SORCS3: variants seen among roughly 807,000 people sequenced by gnomAD.
The protein encoded by SORCS3 is VPS10 domain-containing receptor SorCS3.
In SORCS3, 57 loss-of-function variants were observed where a neutral mutation model predicts 146.3. The observed-to-expected ratio is 0.39, with a 90% confidence interval of 0.31 to 0.49. The LOEUF (loss-of-function observed/expected upper bound fraction) is 0.49. Ranked by LOEUF, SORCS3 falls within the 20% of genes least tolerant of loss-of-function variation. The probability of loss-of-function intolerance (pLI) is 0.92; values close to 1 mark genes in which losing one functional copy is unlikely to be tolerated. For synonymous variants in SORCS3, 653 were observed against 618.5 expected (o/e 1.06, Z -0.83); for missense variants, 1,341 against 1,575.5 (o/e 0.85, Z 2.52).
chr10:105,121,109 C>A (rs527996514), intron 7 of SORCS3, among the ~76,000 whole-genome samples: 70 of 152,302 alleles, frequency 4.6e-4, no homozygotes, highest in Non-Finnish European at 8.8e-4. Context: ...TATACACTCT[C>A]AATCTCTTTC....
At chr10:104,717,025 C>T (rs185618653) in intron 1 of SORCS3, among the ~76,000 whole-genome samples, 2 of 152,298 alleles carry the variant, frequency 1.3e-5, no homozygotes, top group Non-Finnish European at 2.9e-5. Flanking sequence ...CACAGTGGCT[C>T]ATGCCTGTAA....
chr10:105,204,677 T>G (rs747684165), intron 16 of SORCS3, among the ~76,000 whole-genome samples: 17 of 150,776 alleles, frequency 1.1e-4, no homozygotes, highest in Non-Finnish European at 2.2e-4. Flanking sequence ...GCTCAGTTTG[T>G]GGTCATAATC....
At chr10:104,966,142 T>C (rs1402530717) in intron 3 of SORCS3, among the ~76,000 whole-genome samples, 1 of 151,938 alleles carries the variant, frequency 6.6e-6, no homozygotes, top group Non-Finnish European at 1.5e-5. Context: ...CTCTGCCCAC[T>C]AGATACCGGA....
At chr10:105,037,550 G>A (rs1346939041) in intron 4 of SORCS3, among the ~76,000 whole-genome samples, 2 of 152,108 alleles carry the variant, frequency 1.3e-5, no homozygotes, top group African/African-American at 2.4e-5. Context: ...GCTTGTAGAT[G>A]TGTCACTCTA....
At chr10:104,855,414 T>C (rs1216742774) in intron 2 of SORCS3, among the ~76,000 whole-genome samples, 2 of 152,208 alleles carry the variant, frequency 1.3e-5, no homozygotes, top group Non-Finnish European at 2.9e-5. Flanking sequence ...ATTTGTGGAC[T>C]ACTGACATCT....
At chr10:104,828,549 ATGT>A (rs995209448) in intron 1 of SORCS3, among the ~76,000 whole-genome samples, 34 of 152,178 alleles carry the variant, frequency 2.2e-4, no homozygotes, top group Non-Finnish European at 2.4e-4. Context: ...AAAGCTTGAA[ATGT>A]TGTGAGAATT....
In SORCS3 at chr10:105,147,622, G is replaced by A. The variant is rs1286910201; in HGVS notation, c.1308G>A (p.Met436Ile). The A allele has an allele frequency of 3.1e-6, 5 of 1,608,514 alleles. No individual in the cohort carries two copies. The highest frequency in any genetic ancestry group is 4.2e-6 in the Non-Finnish European group (5 of 1,176,918). Residue 436 changes from methionine to isoleucine, a missense_variant, in exon 9 of 27, where the codon ATG (methionine) becomes ATA (isoleucine). Physicochemically the swap from Met to Ile is conservative, Grantham distance 10. Transcript: ENST00000369701. ...AGCCTTCCATCTTCTTTCAGGACAT[G>A]CACATCATCAGTACAGACGAGAACC... is the stretch of plus-strand genomic sequence containing the variant. ...KLPKYSLPKD[M>I]HIISTDENQV...
chr10:104,945,599 T>C (rs953725394), intron 3 of SORCS3, among the ~76,000 whole-genome samples: 3 of 148,588 alleles, frequency 2.0e-5, no homozygotes, highest in African/African-American at 7.5e-5. Context: ...TGGAAGTGAA[T>C]ACATAGGCAC....
chr10:105,190,583 G>A (rs2056510630), intron 14 of SORCS3, among the ~76,000 whole-genome samples: 1 of 152,064 alleles, frequency 6.6e-6, no homozygotes, highest in African/African-American at 2.4e-5. Flanking sequence ...ATTTTTGGTA[G>A]AGACGGGACG....
intron 14 of SORCS3, among the ~76,000 whole-genome samples, chr10:105,195,056 A>G (rs1331553065): frequency 6.6e-6 from 1 of 152,138 alleles, no homozygotes; most frequent in African/African-American, 2.4e-5. Flanking sequence ...TTTTGAAATA[A>G]GTATTGCCCG....
chr10:104,728,698 C>G (rs1164534422), intron 1 of SORCS3, among the ~76,000 whole-genome samples: 3 of 152,138 alleles, frequency 2.0e-5, no homozygotes, highest in Non-Finnish European at 1.5e-5. Flanking sequence ...TCTCCTAGGG[C>G]CTGCAGACCC....
At chr10:104,828,908 G>T (rs2017969399) in intron 1 of SORCS3, among the ~76,000 whole-genome samples, 1 of 152,128 alleles carries the variant, frequency 6.6e-6, no homozygotes, top group Non-Finnish European at 1.5e-5. Flanking sequence ...TTCTGGAGAG[G>T]CTTGGCAGAC....
At chr10:105,227,347 A>G (rs1276955862) in intron 20 of SORCS3, among the ~76,000 whole-genome samples, 1 of 152,016 alleles carries the variant, frequency 6.6e-6, no homozygotes, top group African/African-American at 2.4e-5. Flanking sequence ...ATGTATTTGT[A>G]CAGTTTCTAA....
At chr10:104,716,961 TCTC>T (rs2016486528) in intron 1 of SORCS3, among the ~76,000 whole-genome samples, 1 of 152,052 alleles carries the variant, frequency 6.6e-6, no homozygotes, top group African/African-American at 2.4e-5. Context: ...CTAATTGTCT[TCTC>T]CACCAAAAAA....
chr10:104,688,371 G>A (rs2016073057), intron 1 of SORCS3, among the ~76,000 whole-genome samples: 1 of 152,166 alleles, frequency 6.6e-6, no homozygotes, highest in Non-Finnish European at 1.5e-5. Flanking sequence ...GGCAGTTGGA[G>A]GGGGGGACCC....
intron 5 of SORCS3, among the ~76,000 whole-genome samples, chr10:105,068,070 G>A (rs1216669885): frequency 1.3e-5 from 2 of 151,606 alleles, no homozygotes; most frequent in Non-Finnish European, 2.9e-5. Flanking sequence ...CATGCCCCTC[G>A]CAACATCTCT....
intron 7 of SORCS3, among the ~76,000 whole-genome samples, chr10:105,122,968 T>C (rs1430593423): frequency 6.6e-6 from 1 of 152,206 alleles, no homozygotes; most frequent in Non-Finnish European, 1.5e-5. Flanking sequence ...CATTGGGTGA[T>C]CTTGGGCCAT....
intron 2 of SORCS3, among the ~76,000 whole-genome samples, chr10:104,893,749 G>A (rs899771377): frequency 7.9e-5 from 12 of 152,140 alleles, no homozygotes; most frequent in South Asian, 2.1e-4. Context: ...TCTCAATGGC[G>A]AAGTGAACAG....
chr10:104,921,519 G>C (rs766897627), intron 3 of SORCS3, among the ~76,000 whole-genome samples: 8 of 151,838 alleles, frequency 5.3e-5, no homozygotes, highest in African/African-American at 1.5e-4. Context: ...GTGTGTGTGT[G>C]TGTGTGTGTG....
Sources: allele counts gnomAD v4.1 joint callset (sites outside exome capture counted in the v4.1 genomes callset), GRCh38; gene constraint gnomAD v4.1.1; transcripts MANE v1.5; gene names NCBI Gene and HGNC (gene_info 2026-07-23, HGNC 2026-07-21).